ADGRV1: variants seen among roughly 807,000 people sequenced by gnomAD.
ADGRV1 encodes adhesion G protein-coupled receptor V1.
ADGRV1 carries 359 observed loss-of-function variants against 596.2 expected under a neutral mutation model. The ratio of observed to expected loss-of-function variants is 0.60; its 90% CI spans 0.55 to 0.66. ADGRV1 has a LOEUF of 0.66. Ranked by LOEUF, ADGRV1 falls within the 30% of genes least tolerant of loss-of-function variation. The pLI, the probability that ADGRV1 is intolerant of heterozygous loss-of-function variation, is 0.00. For synonymous variants in ADGRV1, 2,681 were observed against 2,679.2 expected, an observed-to-expected ratio of 1.00 and a Z score of -0.02; for missense variants, 7,274 against 7,575.6, an observed-to-expected ratio of 0.96 and a Z score of 1.48.
At position 90,811,099 on chromosome 5, in the gene ADGRV1, A is replaced by G. The variant is rs770841087; in HGVS notation, c.15839A>G (p.Tyr5280Cys). The G allele has an allele frequency of 6.2e-6, 10 of 1,613,884 alleles. No homozygotes were observed. Among genetic ancestry groups the G allele is most frequent in the South Asian group, 2.2e-5 (2 of 91,082 alleles). ...EPNALPFRGIYGISNLTWAVE... is the reference protein window; with the variant it reads ...EPNALPFRGICGISNLTWAVE... ...AATGCATTGCCCTTTCGTGGTATCT[A>G]TGGGATTTCCAACCTAACATGGGCA... Residue 5280 changes from tyrosine to cysteine, a missense_variant, in exon 74 of 90, where the codon TAT (tyrosine) becomes TGT (cysteine). Tyr to Cys is a radical substitution (Grantham distance 194). Coordinates refer to ENST00000405460, the MANE Select transcript of ADGRV1 (RefSeq NM_032119.4).
intron 77 of ADGRV1, among the ~76,000 whole-genome samples, chr5:90,840,064 C>T (rs1765298159): frequency 1.3e-5 from 2 of 152,254 alleles, no homozygotes; most frequent in South Asian, 4.1e-4. Context: ...TGAAGAAGAG[C>T]AGAGGTATAT....
intron 86 of ADGRV1, among the ~76,000 whole-genome samples, chr5:91,087,165 C>T (rs1284157858): frequency 6.6e-6 from 1 of 152,182 alleles, no homozygotes; most frequent in Non-Finnish European, 1.5e-5. Flanking sequence ...ATAGGAAGAA[C>T]CTCTTGTTTT....
In ADGRV1 at chr5:90,966,520, G is replaced by A. The variant is rs12173182; in HGVS notation, c.17973+989G>A. On this transcript the variant is annotated intron_variant, in intron 84 of 89. Coordinates refer to ENST00000405460, the MANE Select transcript of ADGRV1 (RefSeq NM_032119.4). ...GCACTCCAGCCTGGGCGAGAAAAGC[G>A]AAACTCTGCCAAAAAAAAAAAAAAA... Among the ~76,000 whole-genome samples, 75 of 88,480 alleles carry A rather than the reference G, an allele frequency of 8.5e-4. 2 individuals carry two copies. The East Asian group carries it at 0.015, about 18-fold the overall frequency. 58.0% of individuals were successfully genotyped at this position (88,480 alleles called of 152,430 possible).
intron 72 of ADGRV1, 55 bp downstream of exon 72, chr5:90,805,513 G>A (rs1761821414): frequency 7.2e-7 from 1 of 1,384,926 alleles, no homozygotes; most frequent in Non-Finnish European, 9.8e-7. Flanking sequence ...GGATATCACT[G>A]GCCACTAATT....
Position 90,643,896 on chromosome 5 carries a change from AATG to A in ADGRV1, c.2653_2655del (p.Asp885del). ...CATTGTCAATATAACGATTCTGAAA[AATG>A]ATGATCCTCATGGCATTATAGAATT... On this transcript the variant is annotated inframe_deletion, in exon 14 of 90. Coordinates refer to ENST00000405460, the MANE Select transcript of ADGRV1 (RefSeq NM_032119.4). 6.2e-7 allele frequency: 1 copy of A among 1,612,318 alleles called. No individual in the cohort carries two copies. The highest frequency in any genetic ancestry group is 8.5e-7 in the Non-Finnish European group (1 of 1,178,996).
chr5:91,101,113 G>A (rs1791339871), intron 86 of ADGRV1, among the ~76,000 whole-genome samples: 2 of 152,132 alleles, frequency 1.3e-5, no homozygotes, highest in South Asian at 4.1e-4. Flanking sequence ...TAATTTGATG[G>A]CATCATGTTT....
At chr5:90,569,391 T>A (rs66994954) in intron 1 of ADGRV1, among the ~76,000 whole-genome samples, 96 of 63,124 alleles carry the variant, frequency 1.5e-3, no homozygotes, top group African/African-American at 2.5e-3. Context: ...ATATATATTT[T>A]TTTTTTTTTT....
intron 87 of ADGRV1, among the ~76,000 whole-genome samples, chr5:91,122,230 C>G (rs1793383283): frequency 6.6e-6 from 1 of 152,198 alleles, no homozygotes; most frequent in Admixed American, 6.5e-5. Flanking sequence ...AGTTACCACA[C>G]TAGGTGAGTG....
chr5:91,122,859 C>A (rs1273706768), intron 87 of ADGRV1, among the ~76,000 whole-genome samples: 1 of 152,236 alleles, frequency 6.6e-6, no homozygotes, highest in East Asian at 1.9e-4. Flanking sequence ...CTCAGTTAAT[C>A]CCTGCTAAAG....
At chr5:90,659,207 A>G (rs1268584619) in intron 21 of ADGRV1, among the ~76,000 whole-genome samples, 1 of 152,180 alleles carries the variant, frequency 6.6e-6, no homozygotes, top group African/African-American at 2.4e-5. Context: ...AGCAATAACA[A>G]ATGTCATACA....
chr5:90,672,114 C>T (rs1258029373), intron 21 of ADGRV1, among the ~76,000 whole-genome samples: 1 of 151,314 alleles, frequency 6.6e-6, no homozygotes, highest in Admixed American at 6.6e-5. Context: ...GTTCCACCCT[C>T]TACCCCAACC....
intron 29 of ADGRV1, among the ~76,000 whole-genome samples, chr5:90,688,067 A>G (rs1323197242): frequency 6.6e-6 from 1 of 152,104 alleles, no homozygotes; most frequent in Non-Finnish European, 1.5e-5. Context: ...TATGGAACCA[A>G]AAAAGAGCCC....
chr5:90,712,412 A>G lies in ADGRV1; in HGVS notation c.9168A>G (p.Leu3056=). ...ILTNPSPGLE[L]GKNTIALIIV... ...CAAATCCTTCTCCTGGACTAGAGCTAGGGAAAAATACAATAGGTAATTAAT... is the reference window on the plus strand; with the variant it reads ...CAAATCCTTCTCCTGGACTAGAGCTGGGGAAAAATACAATAGGTAATTAAT... Residue 3056 remains leucine (L), a synonymous_variant, in exon 42 of 90, where the codon CTA becomes CTG. Coordinates refer to ENST00000405460, the MANE Select transcript of ADGRV1 (RefSeq NM_032119.4). 4 of 1,589,064 alleles carry G rather than the reference A, an allele frequency of 2.5e-6. No homozygotes were observed. The highest frequency in any genetic ancestry group is 3.4e-6 in the Non-Finnish European group (4 of 1,164,960).
chr5:90,910,837 T>G (rs972076963), intron 83 of ADGRV1, among the ~76,000 whole-genome samples: 2 of 152,062 alleles, frequency 1.3e-5, no homozygotes, highest in African/African-American at 4.8e-5. Context: ...CTTAGATGCT[T>G]TCAGAAATGT....
Position 90,653,403 on chromosome 5 carries a change from G to A in ADGRV1, c.3829G>A (p.Val1277Met), listed in dbSNP as rs1768925147. 1.8e-5 allele frequency: 29 copies of A among 1,613,970 alleles called. No individual in the cohort carries two copies. Among genetic ancestry groups the A allele is most frequent in the Non-Finnish European group, 2.4e-5 (28 of 1,179,880 alleles). ...CTTCACCATTTTGAGGCAGCAGGGT[G>A]TGTTTGGTGATGTACAACTGGGCTG... is the stretch of plus-strand genomic sequence containing the variant. Reference protein sequence around the residue: ...TNFTILRQQGVFGDVQLGWEI... With the variant: ...TNFTILRQQGMFGDVQLGWEI... Residue 1277 changes from valine to methionine, a missense_variant, in exon 20 of 90, where the codon GTG (valine) becomes ATG (methionine). Around this residue, in one of 5 missense-constraint regions of ADGRV1, gnomAD observed 1,715 missense variants for 1,708.8 expected, o/e 1.00. Transcript: ENST00000405460.
intron 9 of ADGRV1, among the ~76,000 whole-genome samples, chr5:90,632,986 A>G (rs890920564): frequency 2.6e-5 from 4 of 152,212 alleles, no homozygotes; most frequent in African/African-American, 7.2e-5. Context: ...CAGCCTCTGC[A>G]TGCAAAGTTG....
intron 74 of ADGRV1, among the ~76,000 whole-genome samples, chr5:90,813,102 C>A (rs1413035829): frequency 5.3e-5 from 6 of 113,116 alleles, no homozygotes. Flanking sequence ...CACTACACTC[C>A]AGCCTGGGCG....
At chr5:90,867,316 T>C (rs1173540271) in intron 83 of ADGRV1, among the ~76,000 whole-genome samples, 1 of 152,204 alleles carries the variant, frequency 6.6e-6, no homozygotes, top group African/African-American at 2.4e-5. Context: ...CATAAACACA[T>C]TTTCTGAAAC....
chr5:90,645,797 G>T lies in ADGRV1; in HGVS notation c.2899-171G>T, dbSNP rs191633384. Among the ~76,000 whole-genome samples the T allele has an allele frequency of 3.6e-3, 551 of 152,048 alleles. 1 individual carries two copies. Among genetic ancestry groups the T allele is most frequent in the Middle Eastern group, 0.014 (4 of 294 alleles). Reference sequence around the variant, plus strand: ...TGAATGCACATGAAACTAATTTTTGGGGGGGTCTGAGTCTTACCTGAATGT... The same window carrying T: ...TGAATGCACATGAAACTAATTTTTGTGGGGGTCTGAGTCTTACCTGAATGT... On this transcript the variant is annotated intron_variant, in intron 15 of 89. Coordinates refer to ENST00000405460, the MANE Select transcript of ADGRV1 (RefSeq NM_032119.4).
Sources: gnomAD v4.1 joint callset for allele counts (sites outside exome capture counted in the v4.1 genomes callset) on GRCh38, gnomAD v4.1.1 for gene constraint, gnomAD v4.1.1 regional missense constraint, MANE v1.5 for transcripts, NCBI Gene and HGNC (gene_info 2026-07-23, HGNC 2026-07-21) for gene names.